The following NMBR variants were observed in gnomAD, a reference collection of about 807,000 sequenced individuals.
NMBR encodes the protein neuromedin-B receptor.
A neutral mutation model predicts 20.5 loss-of-function variants in NMBR; 16 were observed. The ratio of observed to expected loss-of-function variants is 0.78; its 90% CI spans 0.53 to 1.19. The LOEUF (loss-of-function observed/expected upper bound fraction) is 1.19, where lower values mean the gene tolerates loss of function less well. NMBR is among the 50% of genes most tolerant of loss of function. The pLI is 0.00. For missense variants in NMBR, 582 were observed against 499.1 expected, an observed-to-expected ratio of 1.17 and a Z score of -1.58; for synonymous variants, 212 against 196.6, an observed-to-expected ratio of 1.08 and a Z score of -0.65.
At chr6:142,139,906 T>G (rs548160343) in intron 1 of NMBR, among the ~76,000 whole-genome samples, 86 of 152,256 alleles carry the variant, frequency 5.6e-4, no homozygotes, top group Non-Finnish European at 9.6e-4. Context: ...AACTAAACAA[T>G]ATCTAACCAT....
At chr6:142,079,705 G>T (rs1166586970) in intron 2 of NMBR, among the ~76,000 whole-genome samples, 3 of 152,030 alleles carry the variant, frequency 2.0e-5, no homozygotes, top group African/African-American at 7.2e-5. Flanking sequence ...TCTAGATTGG[G>T]ATTTTCTCCA....
At chr6:142,087,359 C>T (rs999903104) in intron 2 of NMBR, among the ~76,000 whole-genome samples, 1 of 152,186 alleles carries the variant, frequency 6.6e-6, no homozygotes. Flanking sequence ...AATTAAACCA[C>T]AGCTCCATGA....
intron 1 of NMBR, among the ~76,000 whole-genome samples, chr6:142,138,069 A>T (rs566218237): frequency 2.0e-5 from 3 of 152,146 alleles, no homozygotes; most frequent in African/African-American, 7.2e-5. Context: ...ATTAAGTTAG[A>T]CTTCCTCAAT....
chr6:142,143,214 A>G (rs1447853791), intron 1 of NMBR, among the ~76,000 whole-genome samples: 1 of 152,256 alleles, frequency 6.6e-6, no homozygotes, highest in African/African-American at 2.4e-5. Context: ...ATTTTTCAAA[A>G]TATGTGCTAG....
intron 1 of NMBR, among the ~76,000 whole-genome samples, chr6:142,093,768 A>G (rs941854049): frequency 2.6e-5 from 4 of 152,180 alleles, no homozygotes; most frequent in Non-Finnish European, 4.4e-5. Flanking sequence ...CAGTCCCACC[A>G]ACAGTGTAAA....
chr6:142,129,616 G>T (rs774938015), intron 1 of NMBR, among the ~76,000 whole-genome samples: 3 of 151,926 alleles, frequency 2.0e-5, no homozygotes, highest in Non-Finnish European at 4.4e-5. Flanking sequence ...AAACAGACAT[G>T]GAATTTGCGT....
intron 1 of NMBR, among the ~76,000 whole-genome samples, chr6:142,138,641 T>G (rs1178429971): frequency 2.0e-5 from 3 of 152,176 alleles, no homozygotes; most frequent in African/African-American, 7.2e-5. Flanking sequence ...TTATCCTTAT[T>G]TTTAAATTCT....
At chr6:142,115,146 T>G (rs1196538345) in intron 1 of NMBR, among the ~76,000 whole-genome samples, 2 of 152,122 alleles carry the variant, frequency 1.3e-5, no homozygotes, top group African/African-American at 2.4e-5. Flanking sequence ...ATACGTCAAG[T>G]GACCTCATAT....
At position 142,076,075 on chromosome 6, in the gene NMBR, T is replaced by C. The variant is rs372966104; in HGVS notation, c.772-26A>G. 24 of 1,532,512 alleles carry C rather than the reference T, an allele frequency of 1.6e-5. No homozygotes were observed. The African/African-American group carries it at 2.8e-4, about 18-fold the overall frequency. The allele number at this position is 1,532,512 out of a possible 1,614,324, so 94.9% of individuals were successfully genotyped here. A position where few individuals can be genotyped will look rare whatever the true frequency, so the allele number is the denominator to read the frequency against. ...CTGCAAATATAAGAAATTGATCCCA[T>C]TGGTTAAAGTGAAAATGGAACCAGC... On this transcript the variant is annotated intron_variant, in intron 3 of 3. Transcript: ENST00000258042.
At chr6:142,094,182 T>G (rs555578672) in intron 1 of NMBR, among the ~76,000 whole-genome samples, 1 of 152,074 alleles carries the variant, frequency 6.6e-6, no homozygotes, top group African/African-American at 2.4e-5. Context: ...ATTTTGGCTT[T>G]TGTTGCCATT....
chr6:142,088,066 G>A (rs750623178), intron 2 of NMBR, among the ~76,000 whole-genome samples, 171 bp downstream of exon 2: 7 of 151,978 alleles, frequency 4.6e-5, no homozygotes, highest in Non-Finnish European at 1.0e-4. Flanking sequence ...ATGTCAGTCC[G>A]TTTTAACTCT....
chr6:142,129,050 G>A (rs77973505), intron 1 of NMBR, among the ~76,000 whole-genome samples: 2,149 of 150,972 alleles, frequency 0.014, 59 homozygotes, highest in African/African-American at 0.05. Context: ...CATGCATAAT[G>A]CTTTAACTCA....
intron 2 of NMBR, among the ~76,000 whole-genome samples, chr6:142,083,505 T>A (rs1368772071): frequency 6.6e-6 from 1 of 152,210 alleles, no homozygotes; most frequent in Non-Finnish European, 1.5e-5. Context: ...AGGTCTGATA[T>A]GGTTTGGCTC....
intron 1 of NMBR, among the ~76,000 whole-genome samples, chr6:142,100,206 T>C (rs1179078056): frequency 6.6e-6 from 1 of 152,188 alleles, no homozygotes; most frequent in African/African-American, 2.4e-5. Context: ...ATCACACTCC[T>C]TCCTGTTTAC....
chr6:142,101,751 C>T (rs913098373), intron 1 of NMBR, among the ~76,000 whole-genome samples: 2 of 152,092 alleles, frequency 1.3e-5, no homozygotes, highest in Non-Finnish European at 2.9e-5. Flanking sequence ...TATTTGGTCA[C>T]GTTCTCACTT....
At chr6:142,111,663 T>G (rs987770448) in intron 1 of NMBR, among the ~76,000 whole-genome samples, 1 of 152,212 alleles carries the variant, frequency 6.6e-6, no homozygotes, top group Non-Finnish European at 1.5e-5. Context: ...GAGATGAGAT[T>G]GGTTTTTACT....
chr6:142,097,006 T>C (rs916360744), intron 1 of NMBR, among the ~76,000 whole-genome samples: 1 of 152,138 alleles, frequency 6.6e-6, no homozygotes. Flanking sequence ...CCTGCCTTTT[T>C]TTGTTTTCCA....
chr6:142,135,951 A>T (rs1778247154), intron 1 of NMBR, among the ~76,000 whole-genome samples: 1 of 152,040 alleles, frequency 6.6e-6, no homozygotes, highest in African/African-American at 2.4e-5. Flanking sequence ...TGCCACAATA[A>T]ACATACGTGT....
intron 2 of NMBR, among the ~76,000 whole-genome samples, chr6:142,087,131 G>A (rs1193822662): frequency 6.6e-6 from 1 of 152,190 alleles, no homozygotes; most frequent in Non-Finnish European, 1.5e-5. Context: ...AGTTTCTCAA[G>A]TCTCTGTTGA....
Sources: gnomAD v4.1 joint callset for allele counts (sites outside exome capture counted in the v4.1 genomes callset) on GRCh38, gnomAD v4.1.1 for gene constraint, MANE v1.5 for transcripts, NCBI Gene and HGNC (gene_info 2026-07-23, HGNC 2026-07-21) for gene names.